The following ZNF717 variants were observed in gnomAD, a reference collection of about 807,000 sequenced individuals.
The protein encoded by ZNF717 is krueppel-like factor X17.
Under a neutral mutation model 13.8 loss-of-function variants are expected in ZNF717, and 9 were observed. The observed-to-expected ratio is 0.65, with a 90% CI of 0.39 to 1.14. The LOEUF is 1.14. ZNF717 is among the 50% of genes most tolerant of loss of function. The probability of loss-of-function intolerance (pLI) is 0.01; values close to 1 mark genes in which losing one functional copy is unlikely to be tolerated. For missense variants in ZNF717, 1,040 were observed against 1,080.7 expected, an observed-to-expected ratio of 0.96 and a Z score of 0.53; for synonymous variants, 327 against 364.1, an observed-to-expected ratio of 0.90 and a Z score of 1.16.
At chr3:75,761,080 T>C (rs1360894382) in intron 2 of ZNF717, among the ~76,000 whole-genome samples, 1 of 151,386 alleles carries the variant, frequency 6.6e-6, no homozygotes, top group East Asian at 1.9e-4. Context: ...ACCACCATAC[T>C]GCATCATGGA....
chr3:75,758,444 G>A (rs1365607966), intron 2 of ZNF717, among the ~76,000 whole-genome samples: 4 of 152,128 alleles, frequency 2.6e-5, no homozygotes, highest in African/African-American at 4.8e-5. Context: ...CAGAAGGAGG[G>A]CTTGACAGGA....
chr3:75,731,098 T>C (rs1386827637), downstream of ZNF717, among the ~76,000 whole-genome samples: 2 of 145,504 alleles, frequency 1.4e-5, no homozygotes, highest in African/African-American at 2.6e-5. Flanking sequence ...AAAATTAGGC[T>C]GGGCATGGAG....
intron 2 of ZNF717, among the ~76,000 whole-genome samples, chr3:75,781,610 G>A (rs6808309): frequency 1.1e-3 from 163 of 152,150 alleles, no homozygotes; most frequent in African/African-American, 3.5e-3. Context: ...TGAGAAAACC[G>A]GACAAACTCC....
intron 2 of ZNF717, among the ~76,000 whole-genome samples, chr3:75,762,511 G>A (rs1270097769): frequency 9.2e-5 from 14 of 151,460 alleles, no homozygotes; most frequent in Non-Finnish European, 2.9e-5. Context: ...TTAACCAAGA[G>A]GGCAAAAGAT....
At chr3:75,769,034 T>C (rs2107629196) in intron 2 of ZNF717, among the ~76,000 whole-genome samples, 1 of 152,240 alleles carries the variant, frequency 6.6e-6, no homozygotes, top group East Asian at 1.9e-4. Flanking sequence ...TAATAGTTTG[T>C]GGCCAGAGGA....
At chr3:75,724,981 A>G (rs1243735923), downstream of ZNF717, among the ~76,000 whole-genome samples, 2 of 152,218 alleles carry the variant, frequency 1.3e-5, no homozygotes, top group African/African-American at 4.8e-5. Context: ...CTTCCTCTCC[A>G]CAACTTTATG....
chr3:75,755,494 G>T (rs1321101223), intron 2 of ZNF717, among the ~76,000 whole-genome samples: 1 of 152,002 alleles, frequency 6.6e-6, no homozygotes, highest in East Asian at 1.9e-4. Flanking sequence ...TAAGCTTGTA[G>T]ATAATAATAA....
At chr3:75,747,115 T>A (rs1161547107) in intron 2 of ZNF717, among the ~76,000 whole-genome samples, 2 of 152,144 alleles carry the variant, frequency 1.3e-5, no homozygotes, top group Non-Finnish European at 2.9e-5. Context: ...ATTTGTTAAA[T>A]AGGGAATGTT....
intron 2 of ZNF717, among the ~76,000 whole-genome samples, chr3:75,768,303 TCGGGGGGCAGA>T (rs1943638622): frequency 1.1e-5 from 1 of 92,808 alleles, no homozygotes. Flanking sequence ...GCTGAGTGTG[TCGGGGGGCAGA>T]TGACAGGCCA....
At position 75,738,607 on chromosome 3, in the gene ZNF717, T is replaced by C. The variant is rs779269463; in HGVS notation, c.1016A>G (p.Tyr339Cys). Residue 339 changes from tyrosine to cysteine, a missense_variant, in exon 5 of 5, where the codon TAT becomes TGT. Tyr to Cys is a radical substitution (Grantham distance 194). Coordinates refer to ENST00000652011, the MANE Select transcript of ZNF717 (RefSeq NM_001290208.3). ...GGTTTTACCACATTCATTGCATCCATAGGGCTTTTCCCCTGTGTGAATTCT... is the reference window on the plus strand; with the variant it reads ...GGTTTTACCACATTCATTGCATCCACAGGGCTTTTCCCCTGTGTGAATTCT... The part of the protein sequence containing the change: ...HQRIHTGEKP[Y>C]GCNECGKTFR... The C allele has an allele frequency of 3.9e-6, 6 of 1,552,126 alleles. No homozygotes were observed. The highest frequency in any genetic ancestry group is 2.4e-5 in the East Asian group (1 of 40,944).
At chr3:75,707,843 C>T (rs1298148167), downstream of ZNF717, among the ~76,000 whole-genome samples, 7 of 152,226 alleles carry the variant, frequency 4.6e-5, no homozygotes, top group South Asian at 2.1e-4. Context: ...CACGGAGTCC[C>T]GCTGATTGCT....
downstream of ZNF717, among the ~76,000 whole-genome samples, chr3:75,733,652 G>C (rs1263024095): frequency 6.6e-6 from 1 of 151,190 alleles, no homozygotes; most frequent in Non-Finnish European, 1.5e-5. Context: ...AGGGGTGGGA[G>C]CTCATAGTCC....
intron 6 of ZNF717, among the ~76,000 whole-genome samples, chr3:75,697,972 G>T (rs1471557646): frequency 1.5e-4 from 22 of 151,690 alleles, no homozygotes; most frequent in African/African-American, 5.1e-4. Context: ...CAAAACAAAG[G>T]TCACGCATGT....
chr3:75,700,057 G>A (rs1447473513), intron 6 of ZNF717, among the ~76,000 whole-genome samples: 1 of 152,412 alleles, frequency 6.6e-6, no homozygotes, highest in Admixed American at 6.5e-5. Context: ...TTTTTAAAAT[G>A]TCCATACAAT....
chr3:75,737,643 T>C lies in ZNF717; in HGVS notation c.1980A>G (p.Ser660=). ...NECGKTFHRK[S]FLTIHQRTHT... ...GAGTTCTCTGGTGTATGGTGAGGAA[T>C]GACTTGCGATGAAAGGTTTTTCCAC... The change falls in exon 5 of 5, where the codon TCA becomes TCG. Residue 660 remains serine, a synonymous_variant. Coordinates refer to ENST00000652011, the MANE Select transcript of ZNF717 (RefSeq NM_001290208.3). The C allele has an allele frequency of 6.5e-7, 1 of 1,543,742 alleles. No homozygotes were observed.
chr3:75,768,179 C>T (rs1375488824), intron 2 of ZNF717, among the ~76,000 whole-genome samples: 1 of 152,242 alleles, frequency 6.6e-6, no homozygotes, highest in Non-Finnish European at 1.5e-5. Context: ...TCCTGCCTTC[C>T]ACCAACCCCA....
intron 2 of ZNF717, among the ~76,000 whole-genome samples, chr3:75,753,208 T>C (rs1575850891): frequency 6.6e-6 from 1 of 151,264 alleles, no homozygotes; most frequent in African/African-American, 2.4e-5. Flanking sequence ...AGTGTCTGAA[T>C]GTTTGTCCCT....
rs1198456815 is a variant in ZNF717 at position 75,751,962 on chromosome 3, C to T, written c.58-10226G>A. ...TTGTCCCTCACATGGGATTCCAGAA[C>T]ACTGTTATGAGGGTCTGAACGTTTG... On this transcript the variant is annotated intron_variant, in intron 2 of 4. Transcript: ENST00000652011. Among the ~76,000 whole-genome samples, 4 of 152,018 alleles carry T rather than the reference C, an allele frequency of 2.6e-5. No homozygotes were observed. The East Asian group carries it at 7.8e-4, about 29-fold the overall frequency.
intron 2 of ZNF717, among the ~76,000 whole-genome samples, chr3:75,769,567 TGA>T (rs1193734501): frequency 1.3e-5 from 2 of 152,218 alleles, no homozygotes; most frequent in African/African-American, 4.8e-5. Context: ...GAAAAACTCA[TGA>T]GAGATCACAA....
Sources: gnomAD v4.1 joint callset for allele counts (sites outside exome capture counted in the v4.1 genomes callset) on GRCh38, gnomAD v4.1.1 for gene constraint, MANE v1.5 for transcripts, NCBI Gene and HGNC (gene_info 2026-07-23, HGNC 2026-07-21) for gene names.